The following ZCCHC14 variants were observed in gnomAD, a reference collection of about 807,000 sequenced individuals.
The protein encoded by ZCCHC14 is zinc finger CCHC domain-containing protein 14.
ZCCHC14 carries 16 observed loss-of-function variants against 85.0 expected under a neutral mutation model. That is an observed-to-expected ratio of 0.19 (90% confidence interval 0.13 to 0.29). The LOEUF is 0.29. Among genes scored for constraint, ZCCHC14 ranks in the 10% least tolerant of loss-of-function variants. ZCCHC14 has a pLI of 1.00. For synonymous variants in ZCCHC14, 775 were observed against 630.7 expected (o/e 1.23, Z -3.43); for missense variants, 1,303 against 1,443.5 (o/e 0.90, Z 1.58).
intron 2 of ZCCHC14, among the ~76,000 whole-genome samples, chr16:87,452,438 C>G (rs975797758): frequency 6.6e-6 from 1 of 152,042 alleles, no homozygotes; most frequent in Non-Finnish European, 1.5e-5. Context: ...CTGAAAGCCA[C>G]CAAGAGAGGG....
At chr16:87,444,482 C>G (rs1198425277) in intron 2 of ZCCHC14, among the ~76,000 whole-genome samples, 1 of 152,108 alleles carries the variant, frequency 6.6e-6, no homozygotes, top group African/African-American at 2.4e-5. Flanking sequence ...AAGAAACAGA[C>G]TATTTATCTA....
At chr16:87,484,713 G>C (rs1488969289) in intron 1 of ZCCHC14, among the ~76,000 whole-genome samples, 3 of 152,216 alleles carry the variant, frequency 2.0e-5, no homozygotes, top group African/African-American at 7.2e-5. Context: ...GCGACTAAGA[G>C]AAGAGGGGCT....
At chr16:87,464,003 C>G (rs1201837358) in intron 1 of ZCCHC14, among the ~76,000 whole-genome samples, 2 of 152,218 alleles carry the variant, frequency 1.3e-5, no homozygotes, top group African/African-American at 4.8e-5. Flanking sequence ...GCTGCCTTGA[C>G]AACCAGCATC....
At chr16:87,414,589 C>A in intron 9 of ZCCHC14, 48 bp from the exon 10 acceptor site, 3 of 1,572,080 alleles carry the variant, frequency 1.9e-6, no homozygotes, top group Non-Finnish European at 2.6e-6. Flanking sequence ...CCTACTGGTG[C>A]TGCCTCACAT....
chr16:87,451,764 G>A (rs532935086), intron 2 of ZCCHC14, among the ~76,000 whole-genome samples: 9 of 152,306 alleles, frequency 5.9e-5, no homozygotes, highest in Admixed American at 2.0e-4. Flanking sequence ...GAAGGGGAGC[G>A]TCAGGAGCTG....
chr16:87,438,168 G>A (rs1910019764), intron 2 of ZCCHC14, among the ~76,000 whole-genome samples: 1 of 152,280 alleles, frequency 6.6e-6, no homozygotes, highest in African/African-American at 2.4e-5. Flanking sequence ...CAATGCTGTG[G>A]TACCGCAGCA....
At chr16:87,440,800 G>A (rs924548696) in intron 2 of ZCCHC14, among the ~76,000 whole-genome samples, 6 of 151,272 alleles carry the variant, frequency 4.0e-5, no homozygotes, top group African/African-American at 1.2e-4. Flanking sequence ...TTGTAGACAC[G>A]GGGTTTCGCC....
intron 1 of ZCCHC14, among the ~76,000 whole-genome samples, chr16:87,483,160 T>C (rs1185702309): frequency 2.0e-5 from 3 of 151,720 alleles, no homozygotes; most frequent in Non-Finnish European, 2.9e-5. Context: ...ACGGAGTTTC[T>C]AAAAACTAAG....
chr16:87,454,783 A>G (rs1203475048), intron 2 of ZCCHC14, among the ~76,000 whole-genome samples: 2 of 152,232 alleles, frequency 1.3e-5, no homozygotes, highest in Non-Finnish European at 2.9e-5. Context: ...CCTGTTTTAC[A>G]TGGTGCAGAG....
rs1567504417 is a variant in ZCCHC14, at chr16:87,407,504, G to A, written c.*2776C>T. On this transcript the variant is annotated 3_prime_UTR_variant, in exon 13 of 13. Coordinates refer to ENST00000671377, the MANE Select transcript of ZCCHC14 (RefSeq NM_015144.3). ...AATAAGGTAGAAAACTGAGTGTTTT[G>A]CTTAAAAAATAAAAAAGGATTAAAT... 6.6e-6 allele frequency: 1 copy of A among 152,126 alleles called. No homozygotes were observed. The highest frequency in any genetic ancestry group is 1.5e-5 in the Non-Finnish European group (1 of 68,004). 9.4% of individuals were successfully genotyped at this position (152,126 alleles called of 1,614,324 possible). A position where few individuals can be genotyped will look rare whatever the true frequency, so the allele number is the denominator to read the frequency against.
rs1424396540 is a variant in ZCCHC14, at chr16:87,410,209, C to G, written c.*71G>C. ...AAGATTAAGCTCAACAGCAACTAGA[C>G]TTCTCAGTTTTGTATTTAATTTTCC... On this transcript the variant is annotated 3_prime_UTR_variant, in exon 13 of 13. Transcript: ENST00000671377. 1.5e-6 allele frequency: 1 copy of G among 657,610 alleles called. No homozygotes were observed. Among genetic ancestry groups the G allele is most frequent in the Non-Finnish European group, 2.8e-6 (1 of 359,666 alleles). 40.7% of individuals were successfully genotyped at this position (657,610 alleles called of 1,614,324 possible).
At chr16:87,474,794 G>A (rs1047536683) in intron 1 of ZCCHC14, among the ~76,000 whole-genome samples, 4 of 152,192 alleles carry the variant, frequency 2.6e-5, no homozygotes, top group Admixed American at 6.5e-5. Flanking sequence ...CCCTGGGAGG[G>A]GACAGCACGC....
intron 9 of ZCCHC14, among the ~76,000 whole-genome samples, chr16:87,414,996 C>T (rs1261475093): frequency 2.0e-5 from 3 of 152,196 alleles, no homozygotes; most frequent in East Asian, 1.9e-4. Context: ...GCAGGAGAAT[C>T]GCTTGAACCT....
chr16:87,420,709 T>A lies in ZCCHC14; in HGVS notation c.848A>T (p.Gln283Leu), dbSNP rs1909052112. 3.1e-6 allele frequency: 5 copies of A among 1,612,020 alleles called. No individual in the cohort carries two copies. The highest frequency in any genetic ancestry group is 4.2e-6 in the Non-Finnish European group (5 of 1,179,056). The change falls in exon 5 of 13, where the codon CAG becomes CTG. Residue 283 changes from glutamine to leucine, a missense_variant. This residue lies in a region of ZCCHC14 where 389 missense variants were observed against 397.8 expected (regional missense o/e 0.98). Coordinates refer to ENST00000671377, the MANE Select transcript of ZCCHC14 (RefSeq NM_015144.3). The surrounding 1 kb of genome is among the most constrained non-coding windows in gnomAD (Gnocchi z 5.0). ...CTCCAAGTTCTCTTCAGGATAGAGC[T>A]GACATAGCTGGAAGAGAGGACAAGG... is the stretch of plus-strand genomic sequence containing the variant. ...EVTEFISKLC[Q>L]LYPEENLEKL...
chr16:87,464,596 C>A (rs1246183825), intron 1 of ZCCHC14, among the ~76,000 whole-genome samples: 1 of 152,200 alleles, frequency 6.6e-6, no homozygotes. Context: ...CACACTGCAT[C>A]TGACATCAAG....
chr16:87,422,928 C>G (rs561876747), intron 4 of ZCCHC14, among the ~76,000 whole-genome samples: 2 of 152,016 alleles, frequency 1.3e-5, no homozygotes, highest in Non-Finnish European at 2.9e-5. Context: ...GTGTTACCCT[C>G]GAAGGCGTGG....
At chr16:87,467,632 C>A in intron 1 of ZCCHC14, 1 of 1,021,870 alleles carries the variant, frequency 9.8e-7, no homozygotes, top group Non-Finnish European at 1.6e-6. Flanking sequence ...TCCTTGGGGA[C>A]TCTGAATTTC....
chr16:87,490,679 C>A (rs1267373322), intron 1 of ZCCHC14, among the ~76,000 whole-genome samples: 1 of 152,174 alleles, frequency 6.6e-6, no homozygotes, highest in Non-Finnish European at 1.5e-5. Context: ...GGTTTTGTTT[C>A]TAAGGGTCGC....
rs201822176 is a variant in ZCCHC14, at chr16:87,412,813, G to A, written c.1908C>T (p.Ser636=). The A allele has an allele frequency of 7.8e-5, 126 of 1,611,698 alleles. No individual in the cohort carries two copies. The highest frequency in any genetic ancestry group is 2.1e-4 in the South Asian group (19 of 90,854). ...GGATGGGTGTGATGTGTGAGGCTGCGCTCAGCATCTGCGGGGGCAGGGGGT... is the reference window on the plus strand; with the variant it reads ...GGATGGGTGTGATGTGTGAGGCTGCACTCAGCATCTGCGGGGGCAGGGGGT... ...GHHPLPPQML[S]AASHITPIRM... Residue 636 remains serine (S), a synonymous_variant, in exon 12 of 13, where the codon AGC becomes AGT. Transcript: ENST00000671377.
Sources: allele counts gnomAD v4.1 joint callset (sites outside exome capture counted in the v4.1 genomes callset), GRCh38; gene constraint gnomAD v4.1.1; regional missense constraint gnomAD v4.1.1; non-coding constraint Gnocchi (gnomAD v3.1); transcripts MANE v1.5; gene names NCBI Gene and HGNC (gene_info 2026-07-23, HGNC 2026-07-21).